The following ST18 variants were observed in gnomAD, a reference collection of about 807,000 sequenced individuals.
The protein encoded by ST18 is ST18 C2H2C-type zinc finger transcription factor.
In ST18, 50 loss-of-function variants were observed where a neutral mutation model predicts 110.0. The ratio of observed to expected loss-of-function variants is 0.45; its 90% CI spans 0.36 to 0.58. ST18 has a LOEUF of 0.58. Among genes scored for constraint, ST18 ranks in the 20% least tolerant of loss-of-function variants. The pLI is 0.00. For synonymous variants in ST18, 461 were observed against 452.4 expected (o/e 1.02, Z -0.24); for missense variants, 1,306 against 1,280.1 (o/e 1.02, Z -0.31).
Position 52,164,005 on chromosome 8 carries a change from A to G in ST18, c.1381T>C (p.Cys461Arg). Residue 461 changes from cysteine (C) to arginine (R), a missense_variant, in exon 13 of 26, where the codon TGT becomes CGT. Cys to Arg is a radical substitution (Grantham distance 180). Coordinates refer to ENST00000689386, the MANE Select transcript of ST18 (RefSeq NM_001352837.2). Reference sequence around the variant, plus strand: ...TCATACCTGTGGGCCTGGTCAGGACACTGCCCAGTTTGGGGAGAATCAAGC... The same window carrying G: ...TCATACCTGTGGGCCTGGTCAGGACGCTGCCCAGTTTGGGGAGAATCAAGC... ...NQLDSPQTGQ[C>R]PDQAHRTSLV... 1 of 1,613,980 alleles carries G rather than the reference A, an allele frequency of 6.2e-7. No homozygotes were observed. Among genetic ancestry groups the G allele is most frequent in the Non-Finnish European group, 8.5e-7 (1 of 1,179,826 alleles).
At chr8:52,117,108 G>A (rs950722619) in intron 24 of ST18, among the ~76,000 whole-genome samples, 7 of 152,112 alleles carry the variant, frequency 4.6e-5, no homozygotes, top group East Asian at 1.9e-4. Flanking sequence ...AAGATGCCCC[G>A]TGTGAGCTGC....
At chr8:52,122,671 T>G (rs979566554) in intron 23 of ST18, among the ~76,000 whole-genome samples, 7 of 151,918 alleles carry the variant, frequency 4.6e-5, no homozygotes, top group Non-Finnish European at 7.4e-5. Flanking sequence ...GTATTTTTAT[T>G]AGAGATGGGG....
intron 2 of ST18, among the ~76,000 whole-genome samples, chr8:52,297,645 C>T (rs2095655449): frequency 6.6e-6 from 1 of 151,636 alleles, no homozygotes. Context: ...ATCAAAACAT[C>T]ATAAATTATA....
chr8:52,223,659 A>T lies in ST18; in HGVS notation c.-418-1866T>A, dbSNP rs544884095. Among the ~76,000 whole-genome samples the T allele has an allele frequency of 4.9e-3, 735 of 148,904 alleles. 17 individuals are homozygous for T. The highest frequency in any genetic ancestry group is 0.045 in the Admixed American group (675 of 14,900). On this transcript the variant is annotated intron_variant, in intron 3 of 25. Transcript: ENST00000689386. ...ACTCTGTCTCAAAAAAAAAAAAAAA[A>T]TTTACTTATGGTTCCAAAGGATGTG...
intron 17 of ST18, 54 bp downstream of exon 17, chr8:52,142,875 GA>G: frequency 2.3e-6 from 3 of 1,289,862 alleles, no homozygotes; most frequent in Non-Finnish European, 2.2e-6. Context: ...TTTAAGTCAT[GA>G]ACTTGAATCT....
chr8:52,328,599 T>C (rs147938609), intron 2 of ST18, among the ~76,000 whole-genome samples: 1 of 152,278 alleles, frequency 6.6e-6, no homozygotes, highest in African/African-American at 2.4e-5. Context: ...ATCACCCAGG[T>C]CTGATTAAGC....
At chr8:52,125,840 T>C (rs552537331) in intron 23 of ST18, 43 of 525,578 alleles carry the variant, frequency 8.2e-5, no homozygotes, top group Admixed American at 2.5e-4. Context: ...ACTTTCTCTG[T>C]TGGAGATCAC....
At chr8:52,364,167 T>C (rs1279073771) in intron 2 of ST18, among the ~76,000 whole-genome samples, 1 of 152,234 alleles carries the variant, frequency 6.6e-6, no homozygotes, top group African/African-American at 2.4e-5. Context: ...CAAAGTTTCA[T>C]TGAAAATTGG....
intron 19 of ST18, among the ~76,000 whole-genome samples, chr8:52,134,384 G>A (rs781062749): frequency 6.6e-6 from 1 of 152,152 alleles, no homozygotes; most frequent in Non-Finnish European, 1.5e-5. Context: ...CCTTTTTGCT[G>A]TCTTTTTAGA....
At chr8:52,171,122 G>A (rs571411571) in intron 10 of ST18, among the ~76,000 whole-genome samples, 36 of 152,260 alleles carry the variant, frequency 2.4e-4, no homozygotes, top group Admixed American at 6.5e-4. Flanking sequence ...GACTGCTCTT[G>A]GGAAGCTCCA....
intron 2 of ST18, among the ~76,000 whole-genome samples, chr8:52,262,263 T>G (rs2094718664): frequency 6.6e-6 from 1 of 152,196 alleles, no homozygotes; most frequent in Non-Finnish European, 1.5e-5. Context: ...TCAACTATCA[T>G]CACCATCACA....
chr8:52,397,779 G>C (rs932619364), intron 2 of ST18, among the ~76,000 whole-genome samples: 1 of 151,938 alleles, frequency 6.6e-6, no homozygotes, highest in African/African-American at 2.4e-5. Flanking sequence ...TCTATTTCTG[G>C]GTACTCTATT....
chr8:52,232,410 G>C (rs1346495765), intron 2 of ST18, among the ~76,000 whole-genome samples: 2 of 152,096 alleles, frequency 1.3e-5, no homozygotes, highest in Non-Finnish European at 2.9e-5. Context: ...TAAAATATGG[G>C]AATGAATTAA....
chr8:52,202,239 T>G (rs1007048706), intron 8 of ST18, among the ~76,000 whole-genome samples: 3 of 152,180 alleles, frequency 2.0e-5, no homozygotes, highest in Non-Finnish European at 4.4e-5. Context: ...TAAATAGAAA[T>G]GCCTTTATCA....
chr8:52,127,704 A>G (rs1157943899), intron 22 of ST18, among the ~76,000 whole-genome samples: 1 of 152,176 alleles, frequency 6.6e-6, no homozygotes, highest in Non-Finnish European at 1.5e-5. Flanking sequence ...ACTTAGAAGC[A>G]AAGAATATAG....
At chr8:52,263,457 G>T (rs936103138) in intron 2 of ST18, among the ~76,000 whole-genome samples, 2 of 152,168 alleles carry the variant, frequency 1.3e-5, no homozygotes, top group Admixed American at 1.3e-4. Flanking sequence ...GACTGTGGAG[G>T]ACATCAATTC....
At position 52,132,224 on chromosome 8, in the gene ST18, A is replaced by AT. The variant is rs2049965905; in HGVS notation, c.2445-46dup. 7 of 1,523,336 alleles carry AT rather than the reference A, an allele frequency of 4.6e-6. No homozygotes were observed. In the South Asian group the frequency reaches 7.1e-5, roughly 15 times the overall value. 94.4% of individuals were successfully genotyped at this position (1,523,336 alleles called of 1,614,324 possible). A position where few individuals can be genotyped will look rare whatever the true frequency, so the allele number is the denominator to read the frequency against. On this transcript the variant is annotated intron_variant, in intron 21 of 25. Transcript: ENST00000689386. ...ATTACCAGCCAGGAAGAAGGCAGTG[A>AT]TAGTCCTATGCTCTCCAGAGAACAA...
chr8:52,171,634 G>C (rs1313165648), intron 10 of ST18, 158 bp downstream of exon 10: 4 of 821,848 alleles, frequency 4.9e-6, no homozygotes, highest in African/African-American at 1.7e-5. Context: ...CTAGAGAGTG[G>C]GGGAAAAGAA....
chr8:52,213,985 T>C (rs559356863), intron 7 of ST18, among the ~76,000 whole-genome samples: 1 of 152,356 alleles, frequency 6.6e-6, no homozygotes, highest in East Asian at 1.9e-4. Context: ...TTGTAAAAAT[T>C]AGCATCATAG....
Sources: allele counts gnomAD v4.1 joint callset (sites outside exome capture counted in the v4.1 genomes callset), GRCh38; gene constraint gnomAD v4.1.1; transcripts MANE v1.5; gene names NCBI Gene and HGNC (gene_info 2026-07-23, HGNC 2026-07-21).